CRPPA: variants seen among roughly 807,000 people sequenced by gnomAD.
CRPPA encodes D-ribitol-5-phosphate cytidylyltransferase.
CRPPA carries 43 observed loss-of-function variants against 52.0 expected under a neutral mutation model. The observed-to-expected ratio is 0.83, with a 90% CI of 0.65 to 1.07. The LOEUF is 1.07. CRPPA is among the 50% of genes least tolerant of loss of function. CRPPA has a pLI of 0.00. For missense variants in CRPPA, 629 were observed against 551.7 expected, an observed-to-expected ratio of 1.14 and a Z score of -1.40; for synonymous variants, 250 against 203.5, an observed-to-expected ratio of 1.23 and a Z score of -1.94.
At chr7:16,345,099 G>T (rs951162805) in intron 3 of CRPPA, among the ~76,000 whole-genome samples, 1 of 152,094 alleles carries the variant, frequency 6.6e-6, no homozygotes, top group Non-Finnish European at 1.5e-5. Flanking sequence ...AGGGAATCTT[G>T]AAAGTAGTAA....
chr7:16,294,977 A>G (rs893327699), intron 5 of CRPPA, among the ~76,000 whole-genome samples: 2 of 152,084 alleles, frequency 1.3e-5, no homozygotes, highest in African/African-American at 4.8e-5. Context: ...TCGCTAAGAA[A>G]TCAAGGGACT....
At chr7:16,153,142 T>G (rs2128379387) in intron 9 of CRPPA, among the ~76,000 whole-genome samples, 1 of 152,196 alleles carries the variant, frequency 6.6e-6, no homozygotes, top group South Asian at 2.1e-4. Flanking sequence ...CAATGCCAAT[T>G]TTGGCTTATC....
At chr7:16,193,315 T>C (rs1262263499) in intron 9 of CRPPA, among the ~76,000 whole-genome samples, 1 of 152,142 alleles carries the variant, frequency 6.6e-6, no homozygotes, top group Admixed American at 6.6e-5. Flanking sequence ...TGTTTACCTT[T>C]AATTTCCAAT....
At chr7:16,212,998 C>A (rs1212793566) in intron 9 of CRPPA, among the ~76,000 whole-genome samples, 1 of 152,110 alleles carries the variant, frequency 6.6e-6, no homozygotes, top group African/African-American at 2.4e-5. Context: ...ATTTTACAGG[C>A]TTTAAAATTT....
intron 8 of CRPPA, among the ~76,000 whole-genome samples, chr7:16,225,573 G>C (rs1306757996): frequency 6.6e-6 from 1 of 151,818 alleles, no homozygotes; most frequent in Non-Finnish European, 1.5e-5. Context: ...AAAAAAGCAG[G>C]TATATGCTTC....
intron 3 of CRPPA, among the ~76,000 whole-genome samples, chr7:16,342,776 A>AT (rs1208824325): frequency 0.018 from 983 of 55,610 alleles, 128 homozygotes; most frequent in East Asian, 0.072. Context: ...AAAAAAAAAA[A>AT]AAAAAAATAT....
At chr7:16,314,767 A>G (rs1785107818) in intron 3 of CRPPA, among the ~76,000 whole-genome samples, 1 of 152,088 alleles carries the variant, frequency 6.6e-6, no homozygotes, top group Non-Finnish European at 1.5e-5. Flanking sequence ...AAGAGAAGTG[A>G]GATGTAATTC....
intron 4 of CRPPA, among the ~76,000 whole-genome samples, chr7:16,303,765 T>C (rs1784845236): frequency 6.6e-6 from 1 of 152,184 alleles, no homozygotes; most frequent in Non-Finnish European, 1.5e-5. Flanking sequence ...ATTGTGTTTT[T>C]GAAATTACAA....
intron 2 of CRPPA, among the ~76,000 whole-genome samples, chr7:16,387,862 T>C (rs892627512): frequency 5.9e-5 from 9 of 152,184 alleles, no homozygotes; most frequent in African/African-American, 2.2e-4. Flanking sequence ...ACATAGAACA[T>C]TCTCTAGAAC....
Position 16,098,057 on chromosome 7 carries a change from T to C in CRPPA, c.1252-6258A>G, listed in dbSNP as rs147693566. Among the ~76,000 whole-genome samples the C allele has an allele frequency of 9.9e-4, 151 of 152,180 alleles. 2 individuals are homozygous for C. The East Asian group carries it at 0.027, about 27-fold the overall frequency. On this transcript the variant is annotated intron_variant, in intron 9 of 9. Transcript: ENST00000407010. ...AAAAAGTATATTTTGAAACAATAAA[T>C]CCCATAATTGAACTACACACATATC...
intron 2 of CRPPA, among the ~76,000 whole-genome samples, chr7:16,397,587 GAC>G (rs58320430): frequency 5.3e-5 from 8 of 152,034 alleles, no homozygotes; most frequent in Non-Finnish European, 7.4e-5. Flanking sequence ...TATGAGACGT[GAC>G]AGATTACTGA....
intron 8 of CRPPA, among the ~76,000 whole-genome samples, chr7:16,238,487 T>A (rs994693229): frequency 1.3e-5 from 2 of 152,090 alleles, no homozygotes; most frequent in South Asian, 4.1e-4. Flanking sequence ...AAAGGATAGA[T>A]TCACTGATGA....
At chr7:16,123,288 T>C (rs1782512911) in intron 9 of CRPPA, among the ~76,000 whole-genome samples, 1 of 152,114 alleles carries the variant, frequency 6.6e-6, no homozygotes, top group Non-Finnish European at 1.5e-5. Context: ...TTAGGTCTAA[T>C]GTGTTGCTAA....
intron 3 of CRPPA, among the ~76,000 whole-genome samples, chr7:16,311,775 T>A (rs947194822): frequency 7.2e-5 from 11 of 152,238 alleles, no homozygotes; most frequent in Non-Finnish European, 1.3e-4. Flanking sequence ...TGATCCATTT[T>A]GAGTTAATGG....
intron 5 of CRPPA, among the ~76,000 whole-genome samples, chr7:16,288,537 C>A (rs1325697146): frequency 2.0e-5 from 3 of 151,690 alleles, no homozygotes; most frequent in African/African-American, 4.8e-5. Flanking sequence ...CACAACTAAA[C>A]AAAATAAAGA....
At chr7:16,202,833 G>A (rs568023302) in intron 9 of CRPPA, among the ~76,000 whole-genome samples, 1 of 152,288 alleles carries the variant, frequency 6.6e-6, no homozygotes, top group African/African-American at 2.4e-5. Flanking sequence ...TGGTAGAGTA[G>A]TAGTTCTCAG....
intron 3 of CRPPA, among the ~76,000 whole-genome samples, chr7:16,316,259 T>C (rs945026133): frequency 2.6e-5 from 4 of 152,062 alleles, no homozygotes; most frequent in Non-Finnish European, 5.9e-5. Context: ...AAAATCTCTC[T>C]GGAAGGTCTC....
At chr7:16,325,109 A>T (rs11766445) in intron 3 of CRPPA, among the ~76,000 whole-genome samples, 35,999 of 152,168 alleles carry the variant, frequency 0.24, 4,540 homozygotes, top group Non-Finnish European at 0.3. Context: ...CTGACCCATC[A>T]GATAATCAAT....
chr7:16,401,292 G>A (rs11975958), intron 2 of CRPPA, among the ~76,000 whole-genome samples: 23 of 152,180 alleles, frequency 1.5e-4, no homozygotes, highest in African/African-American at 5.1e-4. Flanking sequence ...CTGGAATAAA[G>A]AGCAAATTCT....
Sources: allele counts gnomAD v4.1 joint callset (sites outside exome capture counted in the v4.1 genomes callset), GRCh38; gene constraint gnomAD v4.1.1; transcripts MANE v1.5; gene names NCBI Gene and HGNC (gene_info 2026-07-23, HGNC 2026-07-21).